GLI2: variants seen among roughly 807,000 people sequenced by gnomAD.
GLI2 encodes GLI family zinc finger 2.
GLI2 carries 22 observed loss-of-function variants against 78.9 expected under a neutral mutation model. The ratio of observed to expected loss-of-function variants is 0.28; its 90% confidence interval spans 0.20 to 0.40. The LOEUF (loss-of-function observed/expected upper bound fraction) is 0.40. Ranked by LOEUF, GLI2 falls within the 10% of genes least tolerant of loss-of-function variation. The probability of loss-of-function intolerance (pLI) is 1.00; values close to 1 mark genes in which losing one functional copy is unlikely to be tolerated. For missense variants in GLI2, 2,097 were observed against 2,213.2 expected (o/e 0.95, Z 1.05); for synonymous variants, 974 against 963.7 (o/e 1.01, Z -0.20).
intron 3 of GLI2, among the ~76,000 whole-genome samples, chr2:120,935,906 G>T (rs1177758556): frequency 6.6e-6 from 1 of 152,206 alleles, no homozygotes; most frequent in Non-Finnish European, 1.5e-5. Context: ...CGCACAAGAG[G>T]AGCTGCTGGC....
chr2:120,890,138 A>T (rs1426101307), intron 2 of GLI2, among the ~76,000 whole-genome samples: 5 of 152,254 alleles, frequency 3.3e-5, no homozygotes, highest in Admixed American at 2.0e-4. Context: ...GTGAAAAGGG[A>T]CAAACCATAG....
chr2:120,936,725 T>G (rs1680217086), intron 3 of GLI2, among the ~76,000 whole-genome samples: 1 of 151,452 alleles, frequency 6.6e-6, no homozygotes, highest in Non-Finnish European at 1.5e-5. Flanking sequence ...AGGTGGGGAG[T>G]CCTCTTAGAC....
intron 5 of GLI2, among the ~76,000 whole-genome samples, chr2:120,956,822 C>T (rs1020170339): frequency 2.6e-5 from 4 of 152,044 alleles, no homozygotes; most frequent in Admixed American, 6.5e-5. Context: ...TGGGACCAGG[C>T]GGGGCCATGA....
At chr2:120,779,744 G>A (rs1683782627) in intron 1 of GLI2, among the ~76,000 whole-genome samples, 1 of 152,248 alleles carries the variant, frequency 6.6e-6, no homozygotes. Flanking sequence ...AGTAGGTTAA[G>A]ACAGGGCCGG....
chr2:120,807,866 GC>G (rs2104718938), intron 2 of GLI2, among the ~76,000 whole-genome samples: 1 of 142,442 alleles, frequency 7.0e-6, no homozygotes, highest in African/African-American at 2.5e-5. Context: ...ACACCTCCCC[GC>G]CCCCGCCACC....
intron 2 of GLI2, among the ~76,000 whole-genome samples, chr2:120,845,198 G>A (rs1687056273): frequency 6.6e-6 from 1 of 152,112 alleles, no homozygotes; most frequent in Non-Finnish European, 1.5e-5. Context: ...ACTTGAACCC[G>A]GGAGGTGGAG....
intron 2 of GLI2, among the ~76,000 whole-genome samples, chr2:120,868,387 ATTTCATCGTCTT>A (rs1292121049): frequency 6.6e-6 from 1 of 152,160 alleles, no homozygotes; most frequent in Non-Finnish European, 1.5e-5. Context: ...AAGACACTTT[ATTTCATCGTCTT>A]TTTTCTTTGC....
At chr2:120,736,758 T>A (rs1030644062) in intron 1 of GLI2, among the ~76,000 whole-genome samples, 1 of 151,918 alleles carries the variant, frequency 6.6e-6, no homozygotes, top group Non-Finnish European at 1.5e-5. Flanking sequence ...AACTTCGAAC[T>A]CCACTTCTCC....
chr2:120,850,575 A>C (rs1185384902), intron 2 of GLI2, among the ~76,000 whole-genome samples: 1 of 152,122 alleles, frequency 6.6e-6, no homozygotes, highest in East Asian at 1.9e-4. Flanking sequence ...AGCGTAAGGG[A>C]GTAAGTGAAT....
chr2:120,986,422 C>A lies in GLI2; in HGVS notation c.2050C>A (p.Pro684Thr), dbSNP rs1682978974. 4.3e-6 allele frequency: 7 copies of A among 1,613,730 alleles called. No individual in the cohort carries two copies. The highest frequency in any genetic ancestry group is 1.6e-4 in the Middle Eastern group (1 of 6,082). ...LGDLTALDDTPPGADTSALAA... is the reference protein window; with the variant it reads ...LGDLTALDDTTPGADTSALAA... ...AGACCTGACGGCACTGGATGACACA[C>A]CCCCAGGGGCCGACACCTCAGCCCT... The change falls in exon 13 of 14, where the codon CCC (proline) becomes ACC (threonine). Residue 684 changes from proline (P) to threonine (T), a missense_variant. This residue lies in a region of GLI2 where 68 missense variants were observed against 104.4 expected (regional missense o/e 0.65). Transcript: ENST00000361492.
At position 120,740,743 on chromosome 2, in the gene GLI2, G is replaced by A. The variant is rs141705820; in HGVS notation, c.-31+4458G>A. Among the ~76,000 whole-genome samples, 901 of 152,304 alleles carry A rather than the reference G, an allele frequency of 5.9e-3. 11 individuals are homozygous for A. Among genetic ancestry groups the A allele is most frequent in the African/African-American group, 0.021 (875 of 41,562 alleles). On this transcript the variant is annotated intron_variant, in intron 1 of 13. Transcript: ENST00000361492. Reference sequence around the variant, plus strand: ...TATGTTTTCTTCTCTACAAATCTGTGGAAAATTTAATGAACCAAAAACAGC... The same window carrying A: ...TATGTTTTCTTCTCTACAAATCTGTAGAAAATTTAATGAACCAAAAACAGC...
intron 1 of GLI2, among the ~76,000 whole-genome samples, chr2:120,772,784 C>T (rs1196915460): frequency 6.6e-6 from 1 of 152,270 alleles, no homozygotes; most frequent in Non-Finnish European, 1.5e-5. Context: ...CCGTGGCATT[C>T]TTCAGCAGCA....
At chr2:120,742,679 T>TAA (rs10522388) in intron 1 of GLI2, among the ~76,000 whole-genome samples, 1 of 140,696 alleles carries the variant, frequency 7.1e-6, no homozygotes, top group Admixed American at 7.1e-5. Context: ...AGGATGACTT[T>TAA]AAAAAAAAAG....
At chr2:120,788,033 C>T (rs1011390786) in intron 1 of GLI2, among the ~76,000 whole-genome samples, 5 of 152,282 alleles carry the variant, frequency 3.3e-5, no homozygotes, top group African/African-American at 4.8e-5. Context: ...AGGGGCAGGC[C>T]TTCTCCAGCT....
chr2:120,865,829 C>G (rs1688104116), intron 2 of GLI2, among the ~76,000 whole-genome samples: 1 of 152,242 alleles, frequency 6.6e-6, no homozygotes, highest in African/African-American at 2.4e-5. Flanking sequence ...CCTCTGCATT[C>G]AAGGCTTTGC....
At chr2:120,842,646 G>A (rs888546791) in intron 2 of GLI2, among the ~76,000 whole-genome samples, 2 of 152,220 alleles carry the variant, frequency 1.3e-5, no homozygotes, top group Admixed American at 6.5e-5. Flanking sequence ...ACCCTCCATA[G>A]CAAGGCTGCC....
At chr2:120,848,272 C>T (rs1315198953) in intron 2 of GLI2, among the ~76,000 whole-genome samples, 1 of 152,150 alleles carries the variant, frequency 6.6e-6, no homozygotes, top group Non-Finnish European at 1.5e-5. Context: ...TGCCCTGGCC[C>T]GTGGGTTTGC....
At chr2:120,859,417 G>C (rs1439231371) in intron 2 of GLI2, among the ~76,000 whole-genome samples, 1 of 150,992 alleles carries the variant, frequency 6.6e-6, no homozygotes, top group Non-Finnish European at 1.5e-5. Flanking sequence ...AGTGAATGCA[G>C]CTCTGCCTCA....
chr2:120,948,566 G>A (rs2104941844), intron 3 of GLI2, among the ~76,000 whole-genome samples: 2 of 152,328 alleles, frequency 1.3e-5, no homozygotes, highest in African/African-American at 4.8e-5. Context: ...CCAGACAGTG[G>A]TGTGCATGTG....
Sources: allele counts gnomAD v4.1 joint callset (sites outside exome capture counted in the v4.1 genomes callset), GRCh38; gene constraint gnomAD v4.1.1; regional missense constraint gnomAD v4.1.1; transcripts MANE v1.5; gene names NCBI Gene and HGNC (gene_info 2026-07-23, HGNC 2026-07-21).